The following REG1B variants were observed in gnomAD, a reference collection of about 807,000 sequenced individuals.
REG1B encodes the protein lithostathine-1-beta.
REG1B carries 21 observed loss-of-function variants against 20.4 expected under a neutral mutation model. The observed-to-expected ratio is 1.03, with a 90% CI of 0.73 to 1.48. The LOEUF (loss-of-function observed/expected upper bound fraction) is 1.48, where lower values mean the gene tolerates loss of function less well. Among genes scored for constraint, REG1B ranks in the 40% most tolerant of loss-of-function variants. The pLI is 0.00. For synonymous variants in REG1B, 82 were observed against 73.4 expected, an observed-to-expected ratio of 1.12 and a Z score of -0.60; for missense variants, 247 against 197.2, an observed-to-expected ratio of 1.25 and a Z score of -1.51.
At chr2:79,086,713 G>A (rs750396289) in intron 3 of REG1B, 99 bp downstream of exon 3, 10 of 1,335,274 alleles carry the variant, frequency 7.5e-6, no homozygotes, top group Non-Finnish European at 2.2e-6. Context: ...AATAGGGAAG[G>A]GATCAATCTT....
chr2:79,087,728 T>C, intron 1 of REG1B, 70 bp from the exon 2 acceptor site: 1 of 946,856 alleles, frequency 1.1e-6, no homozygotes, highest in South Asian at 1.8e-5. Flanking sequence ...TAACATCCTC[T>C]CCTCTCTGAA....
intron 3 of REG1B, 123 bp downstream of exon 3, chr2:79,086,689 G>C (rs2073445): frequency 7.5e-7 from 1 of 1,334,452 alleles, no homozygotes; most frequent in East Asian, 2.3e-5. Flanking sequence ...TGGGAAGTTT[G>C]GGACCAGTGG....
Position 79,086,174 on chromosome 2 carries a change from A to G in REG1B, c.321+193T>C, listed in dbSNP as rs929852211. 5.2e-6 allele frequency: 3 copies of G among 581,556 alleles called. No homozygotes were observed. The Admixed American group carries it at 1.0e-4, about 19-fold the overall frequency. 36.0% of individuals were successfully genotyped at this position (581,556 alleles called of 1,614,324 possible). On this transcript the variant is annotated intron_variant, in intron 4 of 5. Coordinates refer to ENST00000305089, the MANE Select transcript of REG1B (RefSeq NM_006507.4). ...TGCATGAATTCCCAGAGCCCAGAAAATTCAGCCTTCAGCTCATGTCTCTAA... is the reference window on the plus strand; with the variant it reads ...TGCATGAATTCCCAGAGCCCAGAAAGTTCAGCCTTCAGCTCATGTCTCTAA...
Position 79,087,233 on chromosome 2 carries a change from C to G in REG1B, c.65-303G>C, listed in dbSNP as rs995268514. On this transcript the variant is annotated intron_variant, in intron 2 of 5. Transcript: ENST00000305089. ...CCTTTCTCAAGTTTCTCTCGGTTTC[C>G]CTGCACACGTTTGCCTTAGCTCTCC... The G allele has an allele frequency of 9.4e-6, 5 of 531,284 alleles. No homozygotes were observed. The Admixed American group carries it at 1.3e-4, about 14-fold the overall frequency. 32.9% of individuals were successfully genotyped at this position (531,284 alleles called of 1,614,324 possible). A position where few individuals can be genotyped will look rare whatever the true frequency, so the allele number is the denominator to read the frequency against.
chr2:79,086,761 G>A (rs1427023655), intron 3 of REG1B, 51 bp downstream of exon 3: 1 of 1,536,836 alleles, frequency 6.5e-7, no homozygotes, highest in South Asian at 1.1e-5. Flanking sequence ...CAAATTAGCA[G>A]CTGCCTCTAC....
intron 1 of REG1B, 115 bp from the exon 2 acceptor site, chr2:79,087,773 C>T (rs912774108): frequency 1.7e-6 from 1 of 602,074 alleles, no homozygotes. Flanking sequence ...GAGATAGCTA[C>T]ACTCCCAGAT....
Position 79,086,458 on chromosome 2 carries a change from G to C in REG1B, c.230C>G (p.Thr77Ser). 2 of 1,614,068 alleles carry C rather than the reference G, an allele frequency of 1.2e-6. No homozygotes were observed. The highest frequency in any genetic ancestry group is 1.7e-6 in the Non-Finnish European group (2 of 1,179,998). Residue 77 changes from threonine to serine, a missense_variant, in exon 4 of 6, where the codon ACC becomes AGC. Coordinates refer to ENST00000305089, the MANE Select transcript of REG1B (RefSeq NM_006507.4). ...MNSGNLVSVL[T>S]QAEGAFVASL... Reference sequence around the variant, plus strand: ...GGCCACGAAGGCACCCTCCGCCTGGGTGAGCACAGACACCAGGTTGCCTGA... The same window carrying C: ...GGCCACGAAGGCACCCTCCGCCTGGCTGAGCACAGACACCAGGTTGCCTGA...
intron 2 of REG1B, 175 bp from the exon 3 acceptor site, chr2:79,087,105 C>T (rs6723627): frequency 0.064 from 39,026 of 610,098 alleles, 2,203 homozygotes; most frequent in Admixed American, 0.2. Context: ...CTAGTTTCCT[C>T]TGCTCAAGAC....
chr2:79,085,923 GAGTAGT>G (rs1672392249), intron 4 of REG1B: 1 of 267,034 alleles, frequency 3.7e-6, no homozygotes, highest in African/African-American at 2.2e-5. Flanking sequence ...ATTGGCTGTA[GAGTAGT>G]CGTTGATATA....
At chr2:79,086,618 C>T in intron 3 of REG1B, 114 bp from the exon 4 acceptor site, 2 of 1,409,300 alleles carry the variant, frequency 1.4e-6, no homozygotes, top group South Asian at 2.5e-5. Context: ...CCTGATGATG[C>T]TGTCACTGAC....
In REG1B at chr2:79,085,261, T is replaced by C; in HGVS notation, c.456A>G (p.Glu152=). 1 of 1,613,230 alleles carries C rather than the reference T, an allele frequency of 6.2e-7. No individual in the cohort carries two copies. The highest frequency in any genetic ancestry group is 8.5e-7 in the Non-Finnish European group (1 of 1,179,224). ...CAAAGGAGAACTTCTTCTCACAAGA[T>C]TCATCCTTCCATTTCTTGAATCCTA... ...SCSGFKKWKD[E]SCEKKFSFVC... The change falls in exon 6 of 6, where the codon GAA becomes GAG. Residue 152 remains glutamate, a synonymous_variant. Coordinates refer to ENST00000305089, the MANE Select transcript of REG1B (RefSeq NM_006507.4).
Position 79,086,440 on chromosome 2 carries a change from A to T in REG1B, c.248T>A (p.Phe83Tyr). ...VSVLTQAEGA[F>Y]VASLIKESST... is the part of the protein sequence containing the mutation. ...ACTCTCCTTAATCAGTGAGGCCACG[A>T]AGGCACCCTCCGCCTGGGTGAGCAC... is the stretch of plus-strand genomic sequence containing the variant. Residue 83 changes from phenylalanine to tyrosine, a missense_variant, in exon 4 of 6, where the codon TTC becomes TAC. Physicochemically the swap from Phe to Tyr is conservative, Grantham distance 22. Coordinates refer to ENST00000305089, the MANE Select transcript of REG1B (RefSeq NM_006507.4). 1.2e-6 allele frequency: 2 copies of T among 1,614,084 alleles called. No individual in the cohort carries two copies. Among genetic ancestry groups the T allele is most frequent in the Non-Finnish European group, 1.7e-6 (2 of 1,179,994 alleles).
intron 2 of REG1B, 68 bp downstream of exon 2, chr2:79,087,472 TCAAGTGAAC>T: frequency 2.1e-6 from 3 of 1,459,894 alleles, no homozygotes; most frequent in Admixed American, 2.0e-5. Flanking sequence ...CTGCTTTTTT[TCAAGTGAAC>T]CTTATACATG....
At chr2:79,086,103 AG>A (rs1215992462) in intron 4 of REG1B, 1 of 448,424 alleles carries the variant, frequency 2.2e-6, no homozygotes, top group African/African-American at 2.0e-5. Flanking sequence ...ATAGGGAAAA[AG>A]TTGTACATAA....
At chr2:79,087,750 C>A (rs2073444) in intron 1 of REG1B, 92 bp from the exon 2 acceptor site, 566,163 of 794,324 alleles carry the variant, frequency 0.71, 202,761 homozygotes, top group Admixed American at 0.76. Flanking sequence ...TCCTGTGAGC[C>A]GAAAGGTCCA....
chr2:79,087,748 G>C lies in REG1B; in HGVS notation c.-46-90C>G, dbSNP rs1672421695. 7.2e-6 allele frequency: 6 copies of C among 837,136 alleles called. No individual in the cohort carries two copies. The South Asian group carries it at 1.2e-4, about 16-fold the overall frequency. The allele number at this position is 837,136 out of a possible 1,614,324, so 51.9% of individuals were successfully genotyped here. A position where few individuals can be genotyped will look rare whatever the true frequency, so the allele number is the denominator to read the frequency against. On this transcript the variant is annotated intron_variant, in intron 1 of 5. Transcript: ENST00000305089. ...TCCTCTCCTCTCTGAATTCCTGTGA[G>C]CCGAAAGGTCCACTGAGATAGCTAC...
intron 2 of REG1B, 72 bp from the exon 3 acceptor site, chr2:79,087,002 G>A: frequency 7.9e-7 from 1 of 1,259,690 alleles, no homozygotes; most frequent in Non-Finnish European, 1.2e-6. Context: ...GTGAATTAGG[G>A]GCTTCTTGGT....
intron 3 of REG1B, 78 bp from the exon 4 acceptor site, chr2:79,086,582 C>T: frequency 6.4e-7 from 1 of 1,560,976 alleles, no homozygotes; most frequent in Non-Finnish European, 8.7e-7. Flanking sequence ...GAGGATGTAA[C>T]AGAAAAAGGA....
Position 79,086,433 on chromosome 2 carries a change from G to C in REG1B, c.255C>G (p.Ala85=). 1 of 1,614,054 alleles carries C rather than the reference G, an allele frequency of 6.2e-7. No homozygotes were observed. Among genetic ancestry groups the C allele is most frequent in the South Asian group, 1.1e-5 (1 of 91,080 alleles). ...VLTQAEGAFV[A]SLIKESSTDD... is the part of the protein sequence containing the mutation. ...CAGTGCTACTCTCCTTAATCAGTGA[G>C]GCCACGAAGGCACCCTCCGCCTGGG... Residue 85 remains alanine (A), a synonymous_variant, in exon 4 of 6, where the codon GCC becomes GCG. Coordinates refer to ENST00000305089, the MANE Select transcript of REG1B (RefSeq NM_006507.4).
Sources: gnomAD v4.1 joint callset for allele counts on GRCh38, gnomAD v4.1.1 for gene constraint, MANE v1.5 for transcripts, NCBI Gene and HGNC (gene_info 2026-07-23, HGNC 2026-07-21) for gene names.